MRPL22: variants seen among roughly 807,000 people sequenced by gnomAD.
MRPL22 encodes large ribosomal subunit protein uL22m.
In MRPL22, 27 loss-of-function variants were observed where a neutral mutation model predicts 32.4. That is an observed-to-expected ratio of 0.83 (90% confidence interval 0.61 to 1.15). MRPL22 has a LOEUF of 1.15. MRPL22 is among the 50% of genes most tolerant of loss of function. MRPL22 has a pLI of 0.00. For missense variants in MRPL22, 239 were observed against 260.2 expected, an observed-to-expected ratio of 0.92 and a Z score of 0.56; for synonymous variants, 86 against 87.3, an observed-to-expected ratio of 0.99 and a Z score of 0.08.
At chr5:154,943,086 A>G (rs567812131) in intron 2 of MRPL22, among the ~76,000 whole-genome samples, 1 of 152,200 alleles carries the variant, frequency 6.6e-6, no homozygotes, top group Non-Finnish European at 1.5e-5. Flanking sequence ...AATAATGTTC[A>G]TGATAACCAT....
intron 4 of MRPL22, 77 bp downstream of exon 4, chr5:154,956,513 C>T: frequency 1.1e-6 from 1 of 911,228 alleles, no homozygotes; most frequent in South Asian, 1.5e-5. Flanking sequence ...ACCCCTCACC[C>T]CAGGATTTGA....
intron 2 of MRPL22, among the ~76,000 whole-genome samples, chr5:154,945,471 A>G (rs1322019614): frequency 1.3e-5 from 2 of 152,214 alleles, no homozygotes; most frequent in African/African-American, 4.8e-5. Context: ...CGAGTAGGCA[A>G]TTGGGTATAT....
intron 6 of MRPL22, 63 bp downstream of exon 6, chr5:154,960,112 C>A: frequency 8.4e-7 from 1 of 1,184,654 alleles, no homozygotes; most frequent in Non-Finnish European, 1.2e-6. Context: ...TGTTTTTTAT[C>A]TAACAACAGT....
chr5:154,962,514 A>T (rs1399013034), intron 6 of MRPL22, among the ~76,000 whole-genome samples: 1 of 152,192 alleles, frequency 6.6e-6, no homozygotes, highest in Non-Finnish European at 1.5e-5. Context: ...TTGGTTCAGC[A>T]ATGGTTCTTT....
At chr5:154,946,881 C>T (rs1764498983) in intron 2 of MRPL22, among the ~76,000 whole-genome samples, 1 of 152,134 alleles carries the variant, frequency 6.6e-6, no homozygotes, top group Non-Finnish European at 1.5e-5. Context: ...TGGTCTTGAA[C>T]TCCTGGCCTC....
At chr5:154,946,582 G>C (rs1764494434) in intron 2 of MRPL22, among the ~76,000 whole-genome samples, 1 of 152,102 alleles carries the variant, frequency 6.6e-6, no homozygotes. Flanking sequence ...GGGAGGCTGA[G>C]ATGGGTGGAT....
intron 2 of MRPL22, among the ~76,000 whole-genome samples, chr5:154,943,666 A>G (rs1208842541): frequency 6.6e-6 from 1 of 151,582 alleles, no homozygotes; most frequent in African/African-American, 2.4e-5. Flanking sequence ...ACATATATAT[A>G]TAGATATTAA....
rs184256081 is a variant in MRPL22, at chr5:154,969,008, G to A, written c.*2111G>A. ...CCATTGTGACATCCGGCTAGTTTTC[G>A]TGGCTAAGAGTGTACTTTCTAACAT... is the stretch of plus-strand genomic sequence containing the variant. On this transcript the variant is annotated 3_prime_UTR_variant, in exon 7 of 7. Transcript: ENST00000523037. The A allele has an allele frequency of 1.2e-4, 18 of 152,228 alleles. No individual in the cohort carries two copies. Among genetic ancestry groups the A allele is most frequent in the African/African-American group, 2.4e-4 (10 of 41,528 alleles). The allele number at this position is 152,228 out of a possible 1,614,324, so 9.4% of individuals were successfully genotyped here.
Position 154,966,993 on chromosome 5 carries a change from G to A in MRPL22, c.*96G>A, listed in dbSNP as rs377261797. ...CAAATGCTTTTTATGATTTCTCATT[G>A]AATTATTGAAACAGTGTATAACTGC... On this transcript the variant is annotated 3_prime_UTR_variant, in exon 7 of 7. Transcript: ENST00000523037. 2.5e-4 allele frequency: 317 copies of A among 1,260,874 alleles called. 5 individuals are homozygous for A. In the South Asian group the frequency reaches 4.7e-3, roughly 19 times the overall value. 78.1% of individuals were successfully genotyped at this position (1,260,874 alleles called of 1,614,324 possible). A position where few individuals can be genotyped will look rare whatever the true frequency, so the allele number is the denominator to read the frequency against.
chr5:154,953,947 A>G (rs1668553704), intron 3 of MRPL22, among the ~76,000 whole-genome samples: 1 of 150,408 alleles, frequency 6.6e-6, no homozygotes, highest in Non-Finnish European at 1.5e-5. Flanking sequence ...TGGCCTCCCA[A>G]AGTGTTGGGA....
Position 154,941,244 on chromosome 5 carries a change from G to A in MRPL22, c.56G>A (p.Ser19Asn), listed in dbSNP as rs770952235. ...GCGTTATGGATACATAACCTGAGGA[G>A]CCGGGGGAAGCTGGCCTTGGGGTGA... ...LGALWIHNLR[S>N]RGKLALGVLP... is the part of the protein sequence containing the mutation. The change falls in exon 2 of 7, where the codon AGC (serine) becomes AAC (asparagine). Residue 19 changes from serine to asparagine, a missense_variant. Transcript: ENST00000523037. 7 of 1,613,492 alleles carry A rather than the reference G, an allele frequency of 4.3e-6. No individual in the cohort carries two copies. The highest frequency in any genetic ancestry group is 5.9e-6 in the Non-Finnish European group (7 of 1,180,032).
chr5:154,965,345 A>C (rs1764752952), intron 6 of MRPL22, among the ~76,000 whole-genome samples: 1 of 152,318 alleles, frequency 6.6e-6, no homozygotes, highest in South Asian at 2.1e-4. Context: ...CTGACTAAAT[A>C]CATTCAGAAA....
intron 6 of MRPL22, 55 bp from the exon 7 acceptor site, chr5:154,966,623 CTCAGCTGA>C: frequency 6.5e-7 from 1 of 1,548,942 alleles, no homozygotes. Context: ...ACAGAAATTG[CTCAGCTGA>C]TCAGGCTTGT....
At chr5:154,959,087 T>TAGTG (rs1447018218) in intron 5 of MRPL22, 1 of 152,330 alleles carries the variant, frequency 6.6e-6, no homozygotes, top group Non-Finnish European at 1.5e-5. Flanking sequence ...GGCTGGAGTA[T>TAGTG]AGTGGCATGA....
At chr5:154,964,941 G>A (rs1054690996) in intron 6 of MRPL22, among the ~76,000 whole-genome samples, 1 of 152,138 alleles carries the variant, frequency 6.6e-6, no homozygotes, top group Non-Finnish European at 1.5e-5. Flanking sequence ...CTCTAGACAG[G>A]TTGATCCAGG....
In MRPL22 at chr5:154,967,237, G is replaced by T; in HGVS notation, c.*340G>T. Reference sequence around the variant, plus strand: ...ACTGGACTTGAATACAGTGTTATGAGGTAAGAAAATTGCTTTTATTTCACT... The same window carrying T: ...ACTGGACTTGAATACAGTGTTATGATGTAAGAAAATTGCTTTTATTTCACT... On this transcript the variant is annotated 3_prime_UTR_variant, in exon 7 of 7. Coordinates refer to ENST00000523037, the MANE Select transcript of MRPL22 (RefSeq NM_014180.4). The surrounding 1 kb of genome is among the most constrained non-coding windows in gnomAD (Gnocchi z 4.7). 1 of 224,772 alleles carries T rather than the reference G, an allele frequency of 4.4e-6. No homozygotes were observed. 13.9% of individuals were successfully genotyped at this position (224,772 alleles called of 1,614,324 possible).
At chr5:154,953,213 G>C (rs894620982) in intron 3 of MRPL22, among the ~76,000 whole-genome samples, 1 of 151,756 alleles carries the variant, frequency 6.6e-6, no homozygotes, top group Non-Finnish European at 1.5e-5. Flanking sequence ...AAAATTAGCC[G>C]GGTGTGGTGG....
chr5:154,941,489 C>T (rs1764414745), intron 2 of MRPL22, among the ~76,000 whole-genome samples: 1 of 152,154 alleles, frequency 6.6e-6, no homozygotes, highest in Non-Finnish European at 1.5e-5. Flanking sequence ...ATTGTAAATG[C>T]GATTTCCGAA....
chr5:154,951,428 A>C (rs530295708), intron 3 of MRPL22, among the ~76,000 whole-genome samples: 7 of 152,354 alleles, frequency 4.6e-5, no homozygotes, highest in Admixed American at 1.3e-4. Context: ...TTATCTGCAC[A>C]GAATAAACAA....
Sources: gnomAD v4.1 joint callset for allele counts (sites outside exome capture counted in the v4.1 genomes callset) on GRCh38, gnomAD v4.1.1 for gene constraint, Gnocchi (gnomAD v3.1) non-coding constraint, MANE v1.5 for transcripts, NCBI Gene and HGNC (gene_info 2026-07-23, HGNC 2026-07-21) for gene names.